Variants in IQCM observed in about 807,000 individuals in gnomAD.
The protein encoded by IQCM is IQ motif containing M.
A neutral mutation model predicts 57.6 loss-of-function variants in IQCM; 45 were observed. The ratio of observed to expected loss-of-function variants is 0.78; its 90% CI spans 0.62 to 1.00. The LOEUF is 1.00. Among genes scored for constraint, IQCM ranks in the 50% least tolerant of loss-of-function variants. The pLI is 0.00. For missense variants in IQCM, 468 were observed against 511.6 expected (o/e 0.91, Z 0.82); for synonymous variants, 148 against 158.9 (o/e 0.93, Z 0.51).
At chr4:149,588,082 T>C in intron 8 of IQCM, 85 bp from the exon 9 acceptor site, 1 of 490,152 alleles carries the variant, frequency 2.0e-6, no homozygotes, top group Non-Finnish European at 3.2e-6. Context: ...CGTTCTGTTA[T>C]ATTATCAAAG....
intron 8 of IQCM, among the ~76,000 whole-genome samples, chr4:149,608,630 C>T (rs1012313965): frequency 2.6e-5 from 4 of 151,522 alleles, no homozygotes; most frequent in Non-Finnish European, 4.4e-5. Flanking sequence ...ATGGTAGAAA[C>T]ATATGGAACT....
At chr4:149,503,725 T>A (rs1241628587) in intron 12 of IQCM, among the ~76,000 whole-genome samples, 2 of 152,036 alleles carry the variant, frequency 1.3e-5, no homozygotes, top group Admixed American at 1.3e-4. Context: ...GACAAAAAAT[T>A]TTTTTTAATC....
intron 13 of IQCM, among the ~76,000 whole-genome samples, chr4:149,385,769 C>T (rs1391798222): frequency 6.6e-6 from 1 of 152,082 alleles, no homozygotes; most frequent in Non-Finnish European, 1.5e-5. Flanking sequence ...AAATATCTTT[C>T]AAATAAGTTG....
chr4:149,628,467 G>T (rs564212997), intron 7 of IQCM, among the ~76,000 whole-genome samples: 1 of 152,124 alleles, frequency 6.6e-6, no homozygotes, highest in East Asian at 1.9e-4. Context: ...AATATCAAAT[G>T]ACTGGATTTG....
intron 12 of IQCM, among the ~76,000 whole-genome samples, chr4:149,446,260 A>G (rs960753991): frequency 2.6e-4 from 39 of 151,890 alleles, no homozygotes; most frequent in African/African-American, 9.4e-4. Flanking sequence ...TTTATAAAAA[A>G]GCTGTCTTTA....
rs569145977 is a variant in IQCM, at chr4:149,534,451, C to A, written c.1228+14004G>T. Among the ~76,000 whole-genome samples the A allele has an allele frequency of 5.3e-5, 8 of 152,154 alleles. No homozygotes were observed. In the South Asian group the frequency reaches 6.2e-4, roughly 12 times the overall value. On this transcript the variant is annotated intron_variant, in intron 12 of 13. Coordinates refer to ENST00000636793, the MANE Select transcript of IQCM (RefSeq NM_001363507.2). ...TGTATGGGTGTATCTGTGTTTACTT[C>A]AAAAGATGACAAGTGCATATGAAGA...
chr4:149,677,006 G>A (rs1172634141), intron 7 of IQCM, among the ~76,000 whole-genome samples: 1 of 151,972 alleles, frequency 6.6e-6, no homozygotes, highest in African/African-American at 2.4e-5. Flanking sequence ...CTTCATGTAG[G>A]CAGTAAGAAA....
At chr4:149,611,850 C>T (rs181598332) in intron 8 of IQCM, among the ~76,000 whole-genome samples, 1 of 150,950 alleles carries the variant, frequency 6.6e-6, no homozygotes, top group Admixed American at 6.6e-5. Context: ...TGGAATGTTC[C>T]TAACATAAAG....
chr4:149,542,620 A>C (rs1405482636), intron 12 of IQCM, among the ~76,000 whole-genome samples: 1 of 152,074 alleles, frequency 6.6e-6, no homozygotes, highest in Non-Finnish European at 1.5e-5. Flanking sequence ...ATCGAAAGGG[A>C]TGATATGGGT....
chr4:149,580,149 G>T (rs956449906), intron 9 of IQCM, among the ~76,000 whole-genome samples: 1 of 151,722 alleles, frequency 6.6e-6, no homozygotes, highest in African/African-American at 2.4e-5. Context: ...GAACTGAAAC[G>T]CAAGCCACAA....
At chr4:149,807,647 C>G (rs1335162702) in intron 2 of IQCM, among the ~76,000 whole-genome samples, 1 of 151,792 alleles carries the variant, frequency 6.6e-6, no homozygotes, top group African/African-American at 2.4e-5. Context: ...AAGAGACAAC[C>G]CATAGAATGG....
At chr4:149,768,588 C>T (rs1171585382) in intron 2 of IQCM, among the ~76,000 whole-genome samples, 1 of 152,054 alleles carries the variant, frequency 6.6e-6, no homozygotes. Flanking sequence ...CCCTTAGGAA[C>T]TTGAACTTTT....
intron 12 of IQCM, among the ~76,000 whole-genome samples, chr4:149,438,838 GA>G (rs1276035365): frequency 1.3e-5 from 2 of 151,938 alleles, no homozygotes; most frequent in Admixed American, 1.3e-4. Flanking sequence ...ACAGTTAAAT[GA>G]TATGCCAATA....
chr4:149,370,284 C>A (rs1366119083), intron 13 of IQCM, among the ~76,000 whole-genome samples: 3 of 152,118 alleles, frequency 2.0e-5, no homozygotes, highest in African/African-American at 7.2e-5. Flanking sequence ...TACTTAACAT[C>A]TCTGTGATTT....
intron 5 of IQCM, among the ~76,000 whole-genome samples, chr4:149,697,530 C>T (rs4835167): frequency 0.19 from 29,134 of 151,922 alleles, 3,206 homozygotes; most frequent in South Asian, 0.33. Flanking sequence ...GGAGTCAGGA[C>T]GTGCCATAAA....
chr4:149,653,774 C>T (rs1759401685), intron 7 of IQCM, among the ~76,000 whole-genome samples: 1 of 152,030 alleles, frequency 6.6e-6, no homozygotes, highest in Non-Finnish European at 1.5e-5. Context: ...AGATCATGGG[C>T]AATTAATTCC....
At chr4:149,557,748 G>A (rs951254620) in intron 10 of IQCM, among the ~76,000 whole-genome samples, 9 of 152,056 alleles carry the variant, frequency 5.9e-5, no homozygotes, top group African/African-American at 1.9e-4. Flanking sequence ...CTCACTTAAC[G>A]CTAATCTTGT....
chr4:149,703,439 C>T (rs903922323), intron 5 of IQCM, among the ~76,000 whole-genome samples: 13 of 151,824 alleles, frequency 8.6e-5, no homozygotes, highest in African/African-American at 3.1e-4. Flanking sequence ...AAAATACACA[C>T]AAAATCTCAT....
rs568344177 is a variant in IQCM at position 149,568,219 on chromosome 4, A to G, written c.750-4329T>C. On this transcript the variant is annotated intron_variant, in intron 9 of 13. Coordinates refer to ENST00000636793, the MANE Select transcript of IQCM (RefSeq NM_001363507.2). ...GCTACTCCTTCTGGGTAGTGGCTCC[A>G]GGTCACGGTCTCTGGAAGGCCTTTG... Among the ~76,000 whole-genome samples, 8 of 152,248 alleles carry G rather than the reference A, an allele frequency of 5.3e-5. No homozygotes were observed. In the East Asian group the frequency reaches 1.6e-3, roughly 30 times the overall value.
Sources: allele counts gnomAD v4.1 joint callset (sites outside exome capture counted in the v4.1 genomes callset), GRCh38; gene constraint gnomAD v4.1.1; transcripts MANE v1.5; gene names NCBI Gene and HGNC (gene_info 2026-07-23, HGNC 2026-07-21).